The following PHF12 variants were observed in gnomAD, a reference collection of about 807,000 sequenced individuals.
PHF12 encodes the protein PHD finger protein 12, also known as PHD factor 1.
Under a neutral mutation model 99.8 loss-of-function variants are expected in PHF12, and 6 were observed. That is an observed-to-expected ratio of 0.06 (90% CI 0.03 to 0.12). PHF12 has a LOEUF of 0.12. Ranked by LOEUF, PHF12 falls within the 10% of genes least tolerant of loss-of-function variation. The probability of loss-of-function intolerance (pLI) is 1.00; values close to 1 mark genes in which losing one functional copy is unlikely to be tolerated. For synonymous variants in PHF12, 480 were observed against 514.9 expected, an observed-to-expected ratio of 0.93 and a Z score of 0.92; for missense variants, 954 against 1,300.1, an observed-to-expected ratio of 0.73 and a Z score of 4.09.
chr17:28,915,293 T>C (rs918556676), intron 7 of PHF12, among the ~76,000 whole-genome samples: 3 of 151,814 alleles, frequency 2.0e-5, no homozygotes, highest in South Asian at 2.1e-4. Context: ...ATCCTTATGG[T>C]AGACAAGGGA....
chr17:28,932,348 G>A (rs2040428937), intron 2 of PHF12, among the ~76,000 whole-genome samples: 1 of 152,094 alleles, frequency 6.6e-6, no homozygotes, highest in Non-Finnish European at 1.5e-5. Flanking sequence ...CCGAAGGCTG[G>A]GTCTTGAACT....
At chr17:28,917,157 TCACGAGA>T in intron 7 of PHF12, 121 bp downstream of exon 7, 1 of 1,264,944 alleles carries the variant, frequency 7.9e-7, no homozygotes, top group African/African-American at 1.5e-5. Flanking sequence ...CACTCATTAC[TCACGAGA>T]CACCACAAAC....
intron 2 of PHF12, chr17:28,929,904 G>C (rs573583844): frequency 2.0e-5 from 3 of 152,322 alleles, no homozygotes; most frequent in African/African-American, 7.2e-5. Context: ...AATTTTCAAA[G>C]GCCTACAGAC....
In PHF12 at chr17:28,906,669, TC is replaced by T. The variant is rs887782811; in HGVS notation, c.2681-153del. On this transcript the variant is annotated intron_variant, in intron 14 of 14. Coordinates refer to ENST00000332830, the MANE Select transcript of PHF12 (RefSeq NM_001033561.2). This position sits in a 1 kb window ranked among gnomAD's most constrained non-coding sequence, Gnocchi z 4.2. Reference sequence around the variant, plus strand: ...CAGAAAGGGTTGGTGGAGTCTGAAGTCCCCACAGGTGTGTACACACATGGGG... The same window carrying T: ...CAGAAAGGGTTGGTGGAGTCTGAAGTCCCACAGGTGTGTACACACATGGGG... The T allele has an allele frequency of 8.4e-7, 1 of 1,194,384 alleles. No individual in the cohort carries two copies. Among genetic ancestry groups the T allele is most frequent in the Non-Finnish European group, 1.2e-6 (1 of 862,224 alleles). 74.0% of individuals were successfully genotyped at this position (1,194,384 alleles called of 1,614,324 possible). A position where few individuals can be genotyped will look rare whatever the true frequency, so the allele number is the denominator to read the frequency against.
chr17:28,915,581 AGAG>A (rs1307169266), intron 7 of PHF12, among the ~76,000 whole-genome samples: 1 of 152,126 alleles, frequency 6.6e-6, no homozygotes, highest in Non-Finnish European at 1.5e-5. Flanking sequence ...CCCAGGAATG[AGAG>A]GAGGAGGAAT....
chr17:28,947,867 C>T (rs1158875748), intron 2 of PHF12, among the ~76,000 whole-genome samples: 1 of 151,448 alleles, frequency 6.6e-6, no homozygotes, highest in Non-Finnish European at 1.5e-5. Context: ...TCTCTGATTA[C>T]CAGTTCCCAT....
Position 28,906,703 on chromosome 17 carries a change from G to A in PHF12, c.2680+153C>T, listed in dbSNP as rs2039877773. ...GTGTGTACACACATGGGGGTACTCA[G>A]CACTTGCTTCTCTGTGGCCTGCCCT... is the stretch of plus-strand genomic sequence containing the variant. On this transcript the variant is annotated intron_variant, in intron 14 of 14. Coordinates refer to ENST00000332830, the MANE Select transcript of PHF12 (RefSeq NM_001033561.2). This position sits in a 1 kb window ranked among gnomAD's most constrained non-coding sequence, Gnocchi z 4.2. 3.9e-6 allele frequency: 5 copies of A among 1,284,226 alleles called. No homozygotes were observed. Among genetic ancestry groups the A allele is most frequent in the South Asian group, 2.9e-5 (2 of 67,900 alleles). 79.6% of individuals were successfully genotyped at this position (1,284,226 alleles called of 1,614,324 possible). A position where few individuals can be genotyped will look rare whatever the true frequency, so the allele number is the denominator to read the frequency against.
At chr17:28,928,979 C>T (rs1407913922) in intron 2 of PHF12, among the ~76,000 whole-genome samples, 1 of 151,646 alleles carries the variant, frequency 6.6e-6, no homozygotes, top group South Asian at 2.1e-4. Flanking sequence ...GCCTGTAGTC[C>T]CAGCTACTCA....
chr17:28,947,610 CA>C (rs2040742683), intron 2 of PHF12, among the ~76,000 whole-genome samples: 2 of 151,898 alleles, frequency 1.3e-5, no homozygotes, highest in South Asian at 2.1e-4. Flanking sequence ...AAAACAACAA[CA>C]AAAAAAACTT....
At chr17:28,926,725 GAAGGT>G (rs1258881971) in intron 3 of PHF12, 1 of 1,338,278 alleles carries the variant, frequency 7.5e-7, no homozygotes, top group African/African-American at 1.5e-5. Context: ...AGGACAACAA[GAAGGT>G]AAGACTACTC....
At chr17:28,948,847 CA>C (rs10709733) in intron 2 of PHF12, among the ~76,000 whole-genome samples, 21,443 of 152,188 alleles carry the variant, frequency 0.14, 1,599 homozygotes, top group African/African-American at 0.19. Flanking sequence ...GCTCCTCTCT[CA>C]AACCCCTGCC....
At chr17:28,909,947 A>G (rs1335445277) in intron 11 of PHF12, 1 of 626,956 alleles carries the variant, frequency 1.6e-6, no homozygotes, top group African/African-American at 1.8e-5. Flanking sequence ...TACACTACAT[A>G]TACCCAAAGG....
At chr17:28,919,051 T>C (rs2040110188) in intron 6 of PHF12, 92 bp downstream of exon 6, 1 of 1,470,368 alleles carries the variant, frequency 6.8e-7, no homozygotes, top group Non-Finnish European at 9.1e-7. Context: ...TGTGGTGAAC[T>C]TGGCACCAAG....
In PHF12 at chr17:28,910,354, A is replaced by G. The variant is rs752063338; in HGVS notation, c.2231T>C (p.Met744Thr). The G allele has an allele frequency of 5.5e-5, 88 of 1,611,876 alleles. No individual in the cohort carries two copies. Among genetic ancestry groups the G allele is most frequent in the Middle Eastern group, 1.7e-4 (1 of 5,966 alleles). The change falls in exon 11 of 15, where the codon ATG becomes ACG. Residue 744 changes from methionine (M) to threonine (T), a missense_variant. This residue lies in a region of PHF12 where 143 missense variants were observed against 191.8 expected (regional missense o/e 0.75). Transcript: ENST00000332830. ...MDVNGEIEIN[M>T]LDEKLIKFLA... ...AAACTTGATCAGCTTCTCGTCCAGC[A>G]TATTTATCTCGATTTCTATTAGCCA...
Position 28,949,015 on chromosome 17 carries a change from G to C in PHF12, c.248+1050C>G, listed in dbSNP as rs1356413538. ...CTTCTTTGCCGGATTGTCCTGGGCT[G>C]AGCCGCTGAGGAGGATCACGCAGCG... On this transcript the variant is annotated intron_variant, in intron 2 of 14. Coordinates refer to ENST00000332830, the MANE Select transcript of PHF12 (RefSeq NM_001033561.2). This position sits in a 1 kb window ranked among gnomAD's most constrained non-coding sequence, Gnocchi z 4.6. Among the ~76,000 whole-genome samples, 1 of 152,148 alleles carries C rather than the reference G, an allele frequency of 6.6e-6. No individual in the cohort carries two copies. The highest frequency in any genetic ancestry group is 1.5e-5 in the Non-Finnish European group (1 of 68,020).
rs1598113841 is a variant in PHF12 at position 28,907,153 on chromosome 17, C to T, written c.2542-159G>A. The T allele has an allele frequency of 5.0e-6, 4 of 794,712 alleles. No homozygotes were observed. The African/African-American group carries it at 6.9e-5, about 14-fold the overall frequency. 49.2% of individuals were successfully genotyped at this position (794,712 alleles called of 1,614,324 possible). The stretch of plus-strand genomic sequence containing the variant: ...TGTCCTTTCAGAAGGGGGCTGGAGA[C>T]ACCTCCTCAGGGAAGCTTTCCTTCT... On this transcript the variant is annotated intron_variant, in intron 13 of 14. Coordinates refer to ENST00000332830, the MANE Select transcript of PHF12 (RefSeq NM_001033561.2).
At chr17:28,913,733 TC>T in intron 8 of PHF12, 145 bp downstream of exon 8, 1 of 1,181,992 alleles carries the variant, frequency 8.5e-7, no homozygotes, top group Non-Finnish European at 1.2e-6. Context: ...AGCCAGAAGT[TC>T]CCCCTGGAAT....
chr17:28,907,647 T>C lies in PHF12; in HGVS notation c.2484A>G (p.Thr828=), dbSNP rs967049646. ...GTGADMDVCL[T]NYGHCNYVSG... ...ACACGTAGTTACAGTGACCATAGTT[T>C]GTAAGGCACACATCCATGTCAGCTC... Residue 828 remains threonine (T), a synonymous_variant, in exon 13 of 15, where the codon ACA becomes ACG. Transcript: ENST00000332830. The C allele has an allele frequency of 6.2e-7, 1 of 1,613,852 alleles. No homozygotes were observed. The highest frequency in any genetic ancestry group is 1.3e-5 in the African/African-American group (1 of 74,994).
At chr17:28,921,873 A>G (rs770830349) in intron 4 of PHF12, 65 bp from the exon 5 acceptor site, 14 of 1,599,318 alleles carry the variant, frequency 8.8e-6, no homozygotes, top group Non-Finnish European at 1.2e-5. Flanking sequence ...GCAATATGGA[A>G]ACAACATTAA....
Sources: gnomAD v4.1 joint callset for allele counts (sites outside exome capture counted in the v4.1 genomes callset) on GRCh38, gnomAD v4.1.1 for gene constraint, gnomAD v4.1.1 regional missense constraint, Gnocchi (gnomAD v3.1) non-coding constraint, MANE v1.5 for transcripts, NCBI Gene and HGNC (gene_info 2026-07-23, HGNC 2026-07-21) for gene names.